Variants in INVS observed in about 807,000 individuals in gnomAD.
The protein encoded by INVS is inversin.
Under a neutral mutation model 108.8 loss-of-function variants are expected in INVS, and 86 were observed. The observed-to-expected ratio is 0.79, with a 90% confidence interval of 0.66 to 0.95. The LOEUF (loss-of-function observed/expected upper bound fraction) is 0.95. Among genes scored for constraint, INVS ranks in the 40% least tolerant of loss-of-function variants. INVS has a pLI of 0.00. For synonymous variants in INVS, 455 were observed against 473.5 expected, an observed-to-expected ratio of 0.96 and a Z score of 0.51; for missense variants, 1,169 against 1,297.4, an observed-to-expected ratio of 0.90 and a Z score of 1.52.
chr9:100,178,431 G>A (rs1355352448), intron 3 of INVS, among the ~76,000 whole-genome samples: 2 of 152,134 alleles, frequency 1.3e-5, no homozygotes, highest in Non-Finnish European at 2.9e-5. Context: ...AACCAGTTTA[G>A]AGAAGAACAT....
Position 100,145,366 on chromosome 9 carries a change from C to T in INVS, c.273+18817C>T, listed in dbSNP as rs145723799. Among the ~76,000 whole-genome samples, 649 of 149,154 alleles carry T rather than the reference C, an allele frequency of 4.4e-3. 4 individuals carry two copies. The highest frequency in any genetic ancestry group is 0.014 in the African/African-American group (576 of 40,266). On this transcript the variant is annotated intron_variant, in intron 3 of 16. Transcript: ENST00000262457. ...AGGGCGCAGAGATAAGAGGTTGGGG[C>T]GTGGAAATAAGGGATGGGGTGCAGA...
At chr9:100,277,620 C>A (rs1474390608) in intron 12 of INVS, among the ~76,000 whole-genome samples, 1 of 152,110 alleles carries the variant, frequency 6.6e-6, no homozygotes, top group East Asian at 1.9e-4. Flanking sequence ...AAAGGGGGTC[C>A]ATGAGTCACA....
At chr9:100,169,011 C>A (rs1393054155) in intron 3 of INVS, among the ~76,000 whole-genome samples, 1 of 151,974 alleles carries the variant, frequency 6.6e-6, no homozygotes, top group African/African-American at 2.4e-5. Context: ...TCAGAATTAA[C>A]AAGTGATAAG....
intron 3 of INVS, among the ~76,000 whole-genome samples, chr9:100,221,116 G>A (rs534871928): frequency 1.1e-4 from 17 of 152,248 alleles, no homozygotes; most frequent in African/African-American, 3.9e-4. Context: ...GGTTTTACAG[G>A]AAGCAAAGTA....
At chr9:100,197,663 A>C (rs1830417918) in intron 3 of INVS, among the ~76,000 whole-genome samples, 1 of 152,192 alleles carries the variant, frequency 6.6e-6, no homozygotes. Flanking sequence ...TGATTGGGCC[A>C]AAAAGGTGTG....
intron 11 of INVS, among the ~76,000 whole-genome samples, chr9:100,269,593 T>C (rs1285572512): frequency 6.6e-6 from 1 of 152,244 alleles, no homozygotes; most frequent in Non-Finnish European, 1.5e-5. Context: ...CTTCCTTTTA[T>C]GTCTTAACTG....
chr9:100,227,968 A>G (rs927178280), intron 4 of INVS, among the ~76,000 whole-genome samples: 1 of 151,570 alleles, frequency 6.6e-6, no homozygotes, highest in African/African-American at 2.4e-5. Flanking sequence ...CCAGATACCA[A>G]ATAAACATTA....
At chr9:100,100,580 A>AATATATATAATATATTATATATAAT (rs1826798063) in intron 1 of INVS, among the ~76,000 whole-genome samples, 1 of 100,356 alleles carries the variant, frequency 1.0e-5, no homozygotes, top group African/African-American at 4.1e-5. Context: ...ATATATATAT[A>AATATATATAATATATTATATATAAT]ATATATATAA....
Position 100,170,319 on chromosome 9 carries a change from G to C in INVS, c.273+43770G>C, listed in dbSNP as rs187614884. On this transcript the variant is annotated intron_variant, in intron 3 of 16. Transcript: ENST00000262457. ...CATCTATAATCCCAGCACTCTGGGA[G>C]ACCAAGGCCAGAGGATCAGTTGAGC... Among the ~76,000 whole-genome samples, 3 of 151,150 alleles carry C rather than the reference G, an allele frequency of 2.0e-5. No homozygotes were observed. The East Asian group carries it at 5.8e-4, about 29-fold the overall frequency.
intron 10 of INVS, among the ~76,000 whole-genome samples, chr9:100,264,302 G>C (rs1335168013): frequency 2.0e-5 from 3 of 152,062 alleles, no homozygotes; most frequent in Admixed American, 6.6e-5. Flanking sequence ...ATTACCTCTG[G>C]AGATATATGA....
At chr9:100,169,361 G>A (rs1398408309) in intron 3 of INVS, among the ~76,000 whole-genome samples, 3 of 152,118 alleles carry the variant, frequency 2.0e-5, no homozygotes, top group South Asian at 2.1e-4. Context: ...TACATTTATG[G>A]TATAATGCCA....
intron 3 of INVS, among the ~76,000 whole-genome samples, chr9:100,157,273 T>C (rs10988986): frequency 0.19 from 27,888 of 146,282 alleles, 3,850 homozygotes; most frequent in East Asian, 0.65. Context: ...TTTTCTTTTT[T>C]TTTTTTTTTG....
At chr9:100,121,154 T>C (rs1280456376) in intron 2 of INVS, among the ~76,000 whole-genome samples, 3 of 152,204 alleles carry the variant, frequency 2.0e-5, no homozygotes, top group Non-Finnish European at 4.4e-5. Context: ...CTACAATTTC[T>C]ACCTCGGACC....
intron 8 of INVS, 37 bp downstream of exon 8, chr9:100,246,824 T>A (rs1051118093): frequency 1.9e-6 from 3 of 1,577,974 alleles, no homozygotes; most frequent in Non-Finnish European, 2.6e-6. Flanking sequence ...TGCTTTCATT[T>A]AGGTTCCAAA....
At position 100,185,464 on chromosome 9, in the gene INVS, ATTT is replaced by A. The variant is rs202151949; in HGVS notation, c.274-40590_274-40588del. On this transcript the variant is annotated intron_variant, in intron 3 of 16. Transcript: ENST00000262457. ...TGTTCTTGAAGTTTTTATAAATAGA[ATTT>A]TTTTTTTGCTGTCTACAAGAGAAAC... 4.3e-5 allele frequency among the ~76,000 whole-genome samples: 6 copies of A among 139,654 alleles called. No individual in the cohort carries two copies. In the East Asian group the frequency reaches 1.3e-3, roughly 31 times the overall value. The allele number at this position is 139,654 out of a possible 152,430, so 91.6% of individuals were successfully genotyped here. A position where few individuals can be genotyped will look rare whatever the true frequency, so the allele number is the denominator to read the frequency against.
rs771285627 is a variant in INVS, at chr9:100,110,925, C to T, written c.106+6298C>T. On this transcript the variant is annotated intron_variant, in intron 2 of 16. Coordinates refer to ENST00000262457, the MANE Select transcript of INVS (RefSeq NM_014425.5). ...GTATGTCTCATGTTATTATTATTCT[C>T]ATTTTGCATGTTAGGACACTGAGAC... is the stretch of plus-strand genomic sequence containing the variant. Among the ~76,000 whole-genome samples the T allele has an allele frequency of 2.6e-5, 4 of 152,282 alleles. No homozygotes were observed. In the East Asian group the frequency reaches 7.7e-4, roughly 29 times the overall value.
chr9:100,161,474 AT>A (rs2119012751), intron 3 of INVS, among the ~76,000 whole-genome samples: 1 of 151,734 alleles, frequency 6.6e-6, no homozygotes, highest in South Asian at 2.1e-4. Context: ...AGTGGGCCTT[AT>A]AATTCGTTCC....
At chr9:100,121,832 A>T in intron 2 of INVS, among the ~76,000 whole-genome samples, 1 of 152,056 alleles carries the variant, frequency 6.6e-6, no homozygotes, top group East Asian at 1.9e-4. Context: ...AATTAAAAGC[A>T]TTCATTACTA....
intron 3 of INVS, among the ~76,000 whole-genome samples, chr9:100,145,517 T>G (rs1054209645): frequency 6.6e-6 from 1 of 151,894 alleles, no homozygotes; most frequent in African/African-American, 2.4e-5. Flanking sequence ...CAGGGGGTTC[T>G]TGCCCCCTAG....
Sources: allele counts gnomAD v4.1 joint callset (sites outside exome capture counted in the v4.1 genomes callset), GRCh38; gene constraint gnomAD v4.1.1; transcripts MANE v1.5; gene names NCBI Gene and HGNC (gene_info 2026-07-23, HGNC 2026-07-21).